The following ORC3 variants were observed in gnomAD, a reference collection of about 807,000 sequenced individuals.
The protein encoded by ORC3 is origin recognition complex subunit 3, also known as homolog of latheo, Drosophila.
In ORC3, 78 loss-of-function variants were observed where a neutral mutation model predicts 100.7. That is an observed-to-expected ratio of 0.77 (90% CI 0.65 to 0.94). The LOEUF (loss-of-function observed/expected upper bound fraction) is 0.94. ORC3 is among the 40% of genes least tolerant of loss of function. The probability of loss-of-function intolerance (pLI) is 0.00; values close to 1 mark genes in which losing one functional copy is unlikely to be tolerated. For missense variants in ORC3, 789 were observed against 823.9 expected, an observed-to-expected ratio of 0.96 and a Z score of 0.52; for synonymous variants, 295 against 289.3, an observed-to-expected ratio of 1.02 and a Z score of -0.20.
intron 8 of ORC3, among the ~76,000 whole-genome samples, chr6:87,614,809 A>G (rs550868185): frequency 6.6e-6 from 1 of 152,136 alleles, no homozygotes; most frequent in African/African-American, 2.4e-5. Flanking sequence ...TTCATTGTCC[A>G]TATCATTATC....
Position 87,652,580 on chromosome 6 carries a change from T to A in ORC3, c.1383-536T>A, listed in dbSNP as rs550350949. Among the ~76,000 whole-genome samples, 8 of 152,336 alleles carry A rather than the reference T, an allele frequency of 5.3e-5. No individual in the cohort carries two copies. In the East Asian group the frequency reaches 1.5e-3, roughly 29 times the overall value. On this transcript the variant is annotated intron_variant, in intron 13 of 19. Transcript: ENST00000392844. ...GTTTAAATGGTGATAATTAGAGAAA[T>A]GAGTGTACTATTTTGGTTCTTTCAA...
intron 16 of ORC3, among the ~76,000 whole-genome samples, chr6:87,661,171 A>T (rs191917290): frequency 1.1e-4 from 17 of 152,134 alleles, no homozygotes; most frequent in African/African-American, 4.1e-4. Flanking sequence ...TTTTAATGAC[A>T]GCCATGTATA....
chr6:87,657,847 C>T, intron 15 of ORC3, 74 bp from the exon 16 acceptor site: 3 of 777,164 alleles, frequency 3.9e-6, no homozygotes, highest in South Asian at 3.1e-5. Context: ...TTCTATAGAA[C>T]TTACCAACAG....
intron 2 of ORC3, among the ~76,000 whole-genome samples, chr6:87,599,233 A>G (rs1447922585): frequency 3.3e-5 from 5 of 152,214 alleles, no homozygotes; most frequent in East Asian, 1.9e-4. Context: ...TATTCTGCAC[A>G]TAAAAATTGT....
intron 7 of ORC3, among the ~76,000 whole-genome samples, chr6:87,610,079 C>T (rs1237953356): frequency 6.6e-6 from 1 of 152,136 alleles, no homozygotes; most frequent in Non-Finnish European, 1.5e-5. Context: ...CAGTGACATG[C>T]ATTTTCCCTG....
At chr6:87,669,472 G>GT (rs1422717319), downstream of ORC3, among the ~76,000 whole-genome samples, 1 of 152,224 alleles carries the variant, frequency 6.6e-6, no homozygotes, top group Non-Finnish European at 1.5e-5. Context: ...GCAAACACAA[G>GT]TACCACTACT....
At chr6:87,636,166 T>A (rs910923375) in intron 12 of ORC3, among the ~76,000 whole-genome samples, 3 of 152,032 alleles carry the variant, frequency 2.0e-5, no homozygotes, top group Non-Finnish European at 4.4e-5. Context: ...TCTTCTGACC[T>A]CCTGATCCGC....
intron 7 of ORC3, among the ~76,000 whole-genome samples, chr6:87,611,585 G>A (rs1048328653): frequency 2.0e-5 from 3 of 152,122 alleles, no homozygotes; most frequent in African/African-American, 7.2e-5. Context: ...TCAGGAGTTT[G>A]AGACCAGCCT....
At chr6:87,623,970 T>C (rs1462368273) in intron 11 of ORC3, among the ~76,000 whole-genome samples, 1 of 152,206 alleles carries the variant, frequency 6.6e-6, no homozygotes, top group Non-Finnish European at 1.5e-5. Flanking sequence ...TCTTAGCATT[T>C]ATTTATGCTA....
intron 8 of ORC3, among the ~76,000 whole-genome samples, 164 bp downstream of exon 8, chr6:87,612,412 T>C (rs1778842457): frequency 6.6e-6 from 1 of 152,222 alleles, no homozygotes; most frequent in South Asian, 2.1e-4. Context: ...TTTTGTAGTG[T>C]TTTATAGTTT....
rs1490483170 is a variant in ORC3, at chr6:87,667,381, A to G, written c.*258A>G. On this transcript the variant is annotated 3_prime_UTR_variant, in exon 20 of 20. Coordinates refer to ENST00000392844, the MANE Select transcript of ORC3 (RefSeq NM_012381.4). ...TACTGTACTTTCCAAAGTCATTACT[A>G]AATTGTGAGTAAATCATTCTTGAAC... 1 of 333,426 alleles carries G rather than the reference A, an allele frequency of 3.0e-6. No individual in the cohort carries two copies. The allele number at this position is 333,426 out of a possible 1,614,324, so 20.7% of individuals were successfully genotyped here. A position where few individuals can be genotyped will look rare whatever the true frequency, so the allele number is the denominator to read the frequency against.
downstream of ORC3, among the ~76,000 whole-genome samples, chr6:87,668,196 A>C (rs76852313): frequency 0.029 from 4,391 of 152,254 alleles, 205 homozygotes; most frequent in African/African-American, 0.1. Context: ...ACTCACTAAC[A>C]TACAAAATTA....
At chr6:87,675,660 G>C in the ORC3 span, 1 of 1,602,910 alleles carries the variant, frequency 6.2e-7, no homozygotes, top group Non-Finnish European at 8.5e-7. Context: ...AAATCCAAAC[G>C]AATACTAGAT....
chr6:87,594,481 A>C lies in ORC3; in HGVS notation c.79+74A>C, dbSNP rs1777283622. On this transcript the variant is annotated intron_variant, in intron 2 of 19. Coordinates refer to ENST00000392844, the MANE Select transcript of ORC3 (RefSeq NM_012381.4). ...TTAGGAACTAACCCTAATTGAATTT[A>C]GTAATTCTCTTGTCTAACCTTGGCT... 5 of 1,429,184 alleles carry C rather than the reference A, an allele frequency of 3.5e-6. No homozygotes were observed. The South Asian group carries it at 7.6e-5, about 22-fold the overall frequency. 88.5% of individuals were successfully genotyped at this position (1,429,184 alleles called of 1,614,324 possible). A position where few individuals can be genotyped will look rare whatever the true frequency, so the allele number is the denominator to read the frequency against.
the ORC3 span, chr6:87,676,080 A>C: frequency 4.8e-6 from 3 of 627,748 alleles, no homozygotes; most frequent in East Asian, 8.6e-5. Flanking sequence ...TCAAATAAAA[A>C]CAGCATGCAA....
At chr6:87,649,036 C>T (rs1411049653) in intron 13 of ORC3, among the ~76,000 whole-genome samples, 1 of 152,212 alleles carries the variant, frequency 6.6e-6, no homozygotes, top group Non-Finnish European at 1.5e-5. Context: ...TGGATATTAT[C>T]AGGCTTAAAT....
chr6:87,623,765 T>A (rs1233466430), intron 11 of ORC3, among the ~76,000 whole-genome samples: 1 of 152,032 alleles, frequency 6.6e-6, no homozygotes, highest in African/African-American at 2.4e-5. Context: ...ATGCCTGTAG[T>A]CCCAGCTACT....
intron 11 of ORC3, among the ~76,000 whole-genome samples, chr6:87,626,618 T>C (rs754251541): frequency 2.8e-4 from 42 of 152,074 alleles, no homozygotes; most frequent in Non-Finnish European, 5.6e-4. Flanking sequence ...AAACCCCTTC[T>C]CTACTAAAAA....
intron 5 of ORC3, among the ~76,000 whole-genome samples, chr6:87,606,848 T>A (rs150052543): frequency 1.3e-3 from 201 of 152,276 alleles, no homozygotes; most frequent in African/African-American, 4.3e-3. Flanking sequence ...TCACCATGCC[T>A]GGCCCTAATG....
Sources: allele counts gnomAD v4.1 joint callset (sites outside exome capture counted in the v4.1 genomes callset), GRCh38; gene constraint gnomAD v4.1.1; transcripts MANE v1.5; gene names NCBI Gene and HGNC (gene_info 2026-07-23, HGNC 2026-07-21).